Variants in UMAD1 observed in about 807,000 individuals in gnomAD.
UMAD1 encodes the protein UBAP1-MVB12-associated (UMA)-domain containing protein 1.
In UMAD1, 8 loss-of-function variants were observed where a neutral mutation model predicts 6.1. The ratio of observed to expected loss-of-function variants is 1.30; its 90% confidence interval spans 0.76 to 2.35. The LOEUF (loss-of-function observed/expected upper bound fraction) is 2.35. Among genes scored for constraint, UMAD1 ranks in the 30% most tolerant of loss-of-function variants. The pLI, the probability that UMAD1 is intolerant of heterozygous loss-of-function variation, is 0.00. For missense variants in UMAD1, 130 were observed against 78.4 expected, an observed-to-expected ratio of 1.66 and a Z score of -2.49; for synonymous variants, 56 against 31.4, an observed-to-expected ratio of 1.78 and a Z score of -2.61.
At position 7,734,836 on chromosome 7, in the gene UMAD1, A is replaced by T. The variant is rs190183742; in HGVS notation, c.82+61383A>T. Among the ~76,000 whole-genome samples the T allele has an allele frequency of 5.3e-5, 8 of 152,280 alleles. No homozygotes were observed. In the East Asian group the frequency reaches 1.5e-3, roughly 29 times the overall value. ...CTAACTTTATTTTTTTCATACATAAAACAATGTGTTTAACCCCAAGTGTAT... is the reference window on the plus strand; with the variant it reads ...CTAACTTTATTTTTTTCATACATAATACAATGTGTTTAACCCCAAGTGTAT... On this transcript the variant is annotated intron_variant, in intron 2 of 3. Coordinates refer to ENST00000682710, the MANE Select transcript of UMAD1 (RefSeq NM_001302348.2).
intron 2 of UMAD1, among the ~76,000 whole-genome samples, chr7:7,792,422 G>A (rs192199248): frequency 6.6e-6 from 1 of 152,278 alleles, no homozygotes; most frequent in East Asian, 1.9e-4. Flanking sequence ...GGGATTAAAT[G>A]GACAGAATTA....
chr7:7,842,218 G>A (rs1292358913), intron 3 of UMAD1, among the ~76,000 whole-genome samples: 1 of 152,154 alleles, frequency 6.6e-6, no homozygotes, highest in Non-Finnish European at 1.5e-5. Flanking sequence ...GTGAGCCCCA[G>A]TTCTTTCTCT....
At chr7:7,693,200 T>A (rs2115140105) in intron 2 of UMAD1, among the ~76,000 whole-genome samples, 1 of 152,318 alleles carries the variant, frequency 6.6e-6, no homozygotes, top group South Asian at 2.1e-4. Flanking sequence ...TACATTTTAC[T>A]ATTACTACTG....
intron 2 of UMAD1, among the ~76,000 whole-genome samples, chr7:7,678,093 G>T (rs1273894312): frequency 6.6e-6 from 1 of 152,056 alleles, no homozygotes; most frequent in Non-Finnish European, 1.5e-5. Context: ...CTTCTTTTGG[G>T]TATGTACCCA....
chr7:7,676,347 AC>A (rs1219896949), intron 2 of UMAD1: 90 of 391,866 alleles, frequency 2.3e-4, no homozygotes, highest in African/African-American at 1.8e-3. Flanking sequence ...GTGAGGTAGT[AC>A]TATTATATCA....
intron 3 of UMAD1, among the ~76,000 whole-genome samples, chr7:7,827,141 A>ATGTGTGTGTGTGTGTG (rs1439982206): frequency 3.0e-5 from 4 of 135,016 alleles, no homozygotes; most frequent in South Asian, 2.4e-4. Context: ...ATATATATAT[A>ATGTGTGTGTGTGTGTG]TATATATGTG....
intron 3 of UMAD1, among the ~76,000 whole-genome samples, chr7:7,828,178 A>G (rs7802374): frequency 0.016 from 2,415 of 152,282 alleles, 62 homozygotes; most frequent in African/African-American, 0.055. Context: ...CAACCTGGCC[A>G]GGGTTTTTGG....
At chr7:7,794,577 A>G (rs1232822960) in intron 2 of UMAD1, among the ~76,000 whole-genome samples, 1 of 152,186 alleles carries the variant, frequency 6.6e-6, no homozygotes, top group African/African-American at 2.4e-5. Flanking sequence ...GCAACTGACT[A>G]GCATTAATGT....
intron 3 of UMAD1, among the ~76,000 whole-genome samples, chr7:7,827,073 T>C (rs933983934): frequency 5.3e-5 from 8 of 151,532 alleles, no homozygotes; most frequent in Non-Finnish European, 1.2e-4. Context: ...CCAAAGAAGA[T>C]GGATTAATTC....
At chr7:7,816,812 G>A (rs761451401) in intron 3 of UMAD1, among the ~76,000 whole-genome samples, 2 of 152,118 alleles carry the variant, frequency 1.3e-5, no homozygotes, top group Non-Finnish European at 2.9e-5. Flanking sequence ...AACTACAGTG[G>A]TTCTGGCCTT....
chr7:7,869,760 A>G lies in UMAD1; in HGVS notation c.157-7521A>G, dbSNP rs545457307. 1.9e-3 allele frequency among the ~76,000 whole-genome samples: 293 copies of G among 152,296 alleles called. 1 individual carries two copies. The highest frequency in any genetic ancestry group is 6.9e-3 in the African/African-American group (285 of 41,566). On this transcript the variant is annotated intron_variant, in intron 3 of 3. Transcript: ENST00000682710. ...AAGTTGGCGCCTCCTAATAGACTTC[A>G]TGGTGGTTACTGGAATTTTGTGCCA...
At chr7:7,665,273 C>G (rs1013284712) in intron 1 of UMAD1, among the ~76,000 whole-genome samples, 1 of 152,184 alleles carries the variant, frequency 6.6e-6, no homozygotes, top group African/African-American at 2.4e-5. Context: ...CTATTCTGAA[C>G]AATAGGATCT....
intron 3 of UMAD1, among the ~76,000 whole-genome samples, chr7:7,848,838 A>AT (rs1238537699): frequency 6.6e-6 from 1 of 152,038 alleles, no homozygotes; most frequent in Non-Finnish European, 1.5e-5. Flanking sequence ...TATGCTGGCA[A>AT]TTTTTTCATA....
rs551442542 is a variant in UMAD1 at position 7,698,695 on chromosome 7, C to A, written c.82+25242C>A. ...AATTTGGTTTGGAGCATCCTTTCAA[C>A]CTTCTTTCTCCAGCTCTTAATAATT... is the stretch of plus-strand genomic sequence containing the variant. On this transcript the variant is annotated intron_variant, in intron 2 of 3. Coordinates refer to ENST00000682710, the MANE Select transcript of UMAD1 (RefSeq NM_001302348.2). Among the ~76,000 whole-genome samples the A allele has an allele frequency of 6.6e-5, 10 of 151,824 alleles. No homozygotes were observed. The South Asian group carries it at 2.1e-3, about 32-fold the overall frequency.
At chr7:7,726,834 A>G (rs1781147513) in intron 2 of UMAD1, among the ~76,000 whole-genome samples, 1 of 152,212 alleles carries the variant, frequency 6.6e-6, no homozygotes, top group South Asian at 2.1e-4. Flanking sequence ...GGAGGGAGAT[A>G]CAGTGTTGGC....
At chr7:7,680,686 C>T (rs1378536573) in intron 2 of UMAD1, among the ~76,000 whole-genome samples, 2 of 143,516 alleles carry the variant, frequency 1.4e-5, no homozygotes, top group Non-Finnish European at 3.1e-5. Context: ...GAATATCTTT[C>T]CATTTTTTTT....
At chr7:7,840,984 G>A (rs1583864777) in intron 3 of UMAD1, among the ~76,000 whole-genome samples, 1 of 152,266 alleles carries the variant, frequency 6.6e-6, no homozygotes, top group East Asian at 1.9e-4. Flanking sequence ...AAACCTAAAG[G>A]CTAAGACAGC....
intron 2 of UMAD1, among the ~76,000 whole-genome samples, chr7:7,692,782 G>A (rs549224077): frequency 7.9e-5 from 12 of 152,140 alleles, no homozygotes; most frequent in African/African-American, 2.6e-4. Context: ...GCTAATTTTC[G>A]TATTTTTAGT....
intron 3 of UMAD1, among the ~76,000 whole-genome samples, chr7:7,862,355 T>C (rs952242716): frequency 6.6e-6 from 1 of 152,238 alleles, no homozygotes; most frequent in Non-Finnish European, 1.5e-5. Context: ...GTGAAATTAA[T>C]GTTCAGCAAT....
Sources: allele counts gnomAD v4.1 joint callset (sites outside exome capture counted in the v4.1 genomes callset), GRCh38; gene constraint gnomAD v4.1.1; transcripts MANE v1.5; gene names NCBI Gene and HGNC (gene_info 2026-07-23, HGNC 2026-07-21).